The following DAB1 variants were observed in gnomAD, a reference collection of about 807,000 sequenced individuals.
The protein encoded by DAB1 is disabled homolog 1.
Under a neutral mutation model 64.6 loss-of-function variants are expected in DAB1, and 15 were observed. The observed-to-expected ratio is 0.23, with a 90% CI of 0.16 to 0.36. DAB1 has a LOEUF of 0.36. DAB1 is among the 10% of genes least tolerant of loss of function. DAB1 has a pLI of 1.00. For synonymous variants in DAB1, 235 were observed against 251.9 expected (o/e 0.93, Z 0.64); for missense variants, 596 against 706.7 (o/e 0.84, Z 1.78).
At chr1:58,056,059 T>A (rs1205774241) in intron 5 of DAB1, 4 of 882,742 alleles carry the variant, frequency 4.5e-6, no homozygotes, top group Non-Finnish European at 7.3e-6. Context: ...CTTTTTTTTT[T>A]TTTTTTAAGT....
chr1:57,253,197 G>A (rs750877895), intron 2 of DAB1, among the ~76,000 whole-genome samples: 37 of 152,162 alleles, frequency 2.4e-4, no homozygotes, highest in Non-Finnish European at 5.0e-4. Flanking sequence ...GCCTATGGAT[G>A]TGCATTAACA....
intron 5 of DAB1, among the ~76,000 whole-genome samples, chr1:57,931,111 T>C (rs12135814): frequency 0.066 from 10,122 of 152,286 alleles, 675 homozygotes; most frequent in East Asian, 0.38. Flanking sequence ...AATATGACCA[T>C]GTAATTTTTC....
intron 3 of DAB1, among the ~76,000 whole-genome samples, chr1:58,482,530 G>A (rs1178526012): frequency 6.6e-6 from 1 of 152,184 alleles, no homozygotes; most frequent in African/African-American, 2.4e-5. Flanking sequence ...AGGGGAAAAA[G>A]CTAATTCAGT....
At chr1:58,535,135 G>C (rs1271567758) in intron 1 of DAB1, among the ~76,000 whole-genome samples, 1 of 152,152 alleles carries the variant, frequency 6.6e-6, no homozygotes, top group African/African-American at 2.4e-5. Flanking sequence ...TGAATTCTCA[G>C]AACTAATGAG....
intron 2 of DAB1, among the ~76,000 whole-genome samples, chr1:57,203,496 A>G (rs745848113): frequency 1.3e-5 from 2 of 152,158 alleles, no homozygotes; most frequent in African/African-American, 2.4e-5. Context: ...CTGCCATGAC[A>G]CTGCCCATCC....
intron 5 of DAB1, among the ~76,000 whole-genome samples, chr1:57,996,127 C>T (rs184256021): frequency 1.1e-4 from 17 of 151,974 alleles, no homozygotes; most frequent in Non-Finnish European, 1.8e-4. Flanking sequence ...GGCATGGTGG[C>T]GGGTGCCTGT....
At chr1:57,308,591 A>C (rs192491667) in intron 1 of DAB1, among the ~76,000 whole-genome samples, 1 of 152,336 alleles carries the variant, frequency 6.6e-6, no homozygotes, top group East Asian at 1.9e-4. Flanking sequence ...TACTATGTGC[A>C]CTGACTTTTC....
chr1:57,117,182 T>A (rs1311415618), intron 4 of DAB1, among the ~76,000 whole-genome samples: 1 of 152,144 alleles, frequency 6.6e-6, no homozygotes, highest in African/African-American at 2.4e-5. Flanking sequence ...AAAAGTAGGG[T>A]TTTTTTACAT....
rs185569910 is a variant in DAB1 at position 57,361,825 on chromosome 1, C to T, written c.-137+62105G>A. Among the ~76,000 whole-genome samples the T allele has an allele frequency of 4.3e-4, 65 of 152,216 alleles. 1 individual carries two copies. The East Asian group carries it at 0.012, about 29-fold the overall frequency. On this transcript the variant is annotated intron_variant, in intron 1 of 14. Coordinates refer to ENST00000371236, the MANE Select transcript of DAB1 (RefSeq NM_001365792.1). Reference sequence around the variant, plus strand: ...TATTGAAATTCTGGGATATCTGTTACTACCACAGCAAAAATCACCAATACA... The same window carrying T: ...TATTGAAATTCTGGGATATCTGTTATTACCACAGCAAAAATCACCAATACA...
chr1:57,745,317 T>C (rs1648212851), intron 6 of DAB1, among the ~76,000 whole-genome samples: 1 of 152,194 alleles, frequency 6.6e-6, no homozygotes, highest in Non-Finnish European at 1.5e-5. Flanking sequence ...CCAATGTTTG[T>C]TGAAACTTTA....
chr1:57,591,093 G>A (rs1178453532), intron 7 of DAB1, among the ~76,000 whole-genome samples: 1 of 152,156 alleles, frequency 6.6e-6, no homozygotes, highest in African/African-American at 2.4e-5. Context: ...AACCTGCCAT[G>A]AAAATGCCAG....
intron 3 of DAB1, among the ~76,000 whole-genome samples, chr1:58,481,328 C>A (rs1645479051): frequency 6.6e-6 from 1 of 151,892 alleles, no homozygotes; most frequent in African/African-American, 2.4e-5. Context: ...AAAAGAGAAC[C>A]ACTGAAAAAT....
intron 8 of DAB1, among the ~76,000 whole-genome samples, chr1:57,064,987 TGA>T (rs1418024999): frequency 3.3e-5 from 5 of 152,136 alleles, no homozygotes; most frequent in Non-Finnish European, 5.9e-5. Flanking sequence ...CTGAGAAAAA[TGA>T]AGAACATTCT....
At chr1:57,542,540 G>A (rs1430619006) in intron 7 of DAB1, among the ~76,000 whole-genome samples, 6 of 151,226 alleles carry the variant, frequency 4.0e-5, no homozygotes. Flanking sequence ...GAGTTCAATA[G>A]AGCTTAATGT....
chr1:57,072,855 T>C (rs1651631589), intron 4 of DAB1, among the ~76,000 whole-genome samples: 1 of 152,230 alleles, frequency 6.6e-6, no homozygotes, highest in African/African-American at 2.4e-5. Flanking sequence ...TTCATAGAAC[T>C]ATACATGTGC....
intron 7 of DAB1, among the ~76,000 whole-genome samples, chr1:57,615,790 C>CTG (rs1301780747): frequency 2.2e-4 from 34 of 152,150 alleles, no homozygotes; most frequent in Non-Finnish European, 3.5e-4. Flanking sequence ...CAAGCTTTAC[C>CTG]AACTGAAAGC....
At chr1:58,375,859 C>A (rs866261049) in intron 3 of DAB1, among the ~76,000 whole-genome samples, 180 of 145,966 alleles carry the variant, frequency 1.2e-3, no homozygotes, top group African/African-American at 4.2e-3. Flanking sequence ...ACAATTTCAG[C>A]TCCTGTTATT....
rs185814237 is a variant in DAB1, at chr1:57,074,037, C to T, written c.307-1623G>A. ...GACTACAGGCATATGCCACCAGAGC[C>T]GGCTCATTTTTTTGTAGAGATGGGG... is the stretch of plus-strand genomic sequence containing the variant. On this transcript the variant is annotated intron_variant, in intron 4 of 14. Transcript: ENST00000371236. Among the ~76,000 whole-genome samples the T allele has an allele frequency of 3.8e-3, 575 of 152,150 alleles. 4 individuals carry two copies. The highest frequency in any genetic ancestry group is 0.013 in the African/African-American group (542 of 41,526).
intron 1 of DAB1, among the ~76,000 whole-genome samples, chr1:57,853,050 G>A (rs1653603263): frequency 6.6e-6 from 1 of 152,098 alleles, no homozygotes; most frequent in Admixed American, 6.5e-5. Flanking sequence ...AGTTAAAAAT[G>A]TATAATTAAT....
Sources: allele counts gnomAD v4.1 joint callset (sites outside exome capture counted in the v4.1 genomes callset), GRCh38; gene constraint gnomAD v4.1.1; transcripts MANE v1.5; gene names NCBI Gene and HGNC (gene_info 2026-07-23, HGNC 2026-07-21).